The following FGGY variants were observed in gnomAD, a reference collection of about 807,000 sequenced individuals.
FGGY encodes FGGY carbohydrate kinase domain-containing protein.
A neutral mutation model predicts 71.3 loss-of-function variants in FGGY; 72 were observed. That is an observed-to-expected ratio of 1.01 (90% CI 0.84 to 1.23). FGGY has a LOEUF of 1.23. FGGY is among the 50% of genes most tolerant of loss of function. The pLI, the probability that FGGY is intolerant of heterozygous loss-of-function variation, is 0.00. For missense variants in FGGY, 668 were observed against 682.3 expected (o/e 0.98, Z 0.23); for synonymous variants, 251 against 250.3 (o/e 1.00, Z -0.02).
chr1:59,694,690 C>CT (rs58871168), intron 14 of FGGY, among the ~76,000 whole-genome samples: 6,631 of 142,392 alleles, frequency 0.047, 490 homozygotes, highest in African/African-American at 0.16. Flanking sequence ...AACTAGGTGT[C>CT]TTTTTTTTTT....
At chr1:59,600,247 C>T (rs1219795624) in intron 8 of FGGY, among the ~76,000 whole-genome samples, 1 of 152,110 alleles carries the variant, frequency 6.6e-6, no homozygotes, top group Non-Finnish European at 1.5e-5. Flanking sequence ...TACTGTGGGG[C>T]AGATGAGAGC....
At chr1:59,319,570 C>A (rs931009674) in intron 1 of FGGY, among the ~76,000 whole-genome samples, 3 of 152,174 alleles carry the variant, frequency 2.0e-5, no homozygotes, top group Non-Finnish European at 4.4e-5. Flanking sequence ...TGATGGCTGA[C>A]CTGGGTCTTA....
intron 7 of FGGY, among the ~76,000 whole-genome samples, chr1:59,516,271 G>A (rs2094648412): frequency 6.6e-6 from 1 of 152,146 alleles, no homozygotes; most frequent in Admixed American, 6.5e-5. Context: ...GGTTGTCCAT[G>A]GGTCCAACTC....
intron 6 of FGGY, among the ~76,000 whole-genome samples, chr1:59,472,092 G>A (rs530525813): frequency 1.9e-4 from 29 of 152,346 alleles, no homozygotes; most frequent in African/African-American, 4.8e-4. Context: ...GGCCAAGGCC[G>A]GAGCCGGCCC....
At chr1:59,474,454 G>A (rs1025466587) in intron 6 of FGGY, among the ~76,000 whole-genome samples, 1 of 152,162 alleles carries the variant, frequency 6.6e-6, no homozygotes, top group African/African-American at 2.4e-5. Context: ...TGACAGAAAT[G>A]AGACCAGAAA....
At chr1:59,492,765 C>T (rs1175317818) in intron 6 of FGGY, among the ~76,000 whole-genome samples, 1 of 152,016 alleles carries the variant, frequency 6.6e-6, no homozygotes, top group Non-Finnish European at 1.5e-5. Flanking sequence ...CTGAGTCTGC[C>T]TTTTTATTAA....
At chr1:59,726,527 A>G (rs1181080179) in intron 14 of FGGY, among the ~76,000 whole-genome samples, 1 of 152,150 alleles carries the variant, frequency 6.6e-6, no homozygotes, top group Non-Finnish European at 1.5e-5. Flanking sequence ...AATGTTTGCT[A>G]AAATTCACTA....
rs371875182 is a variant in FGGY at position 59,384,962 on chromosome 1, G to C, written c.554+6125G>C. ...AGAGATTGAAATTTGGTGTTTATTT[G>C]GCTCTTACATGTGATTATTTTGGGA... is the stretch of plus-strand genomic sequence containing the variant. On this transcript the variant is annotated intron_variant, in intron 5 of 15. Coordinates refer to ENST00000303721, the MANE Select transcript of FGGY (RefSeq NM_018291.5). 1.6e-4 allele frequency among the ~76,000 whole-genome samples: 25 copies of C among 152,276 alleles called. No homozygotes were observed. The East Asian group carries it at 2.7e-3, about 16-fold the overall frequency.
At chr1:59,488,833 A>T (rs1288098059) in intron 6 of FGGY, among the ~76,000 whole-genome samples, 1 of 151,972 alleles carries the variant, frequency 6.6e-6, no homozygotes, top group Non-Finnish European at 1.5e-5. Flanking sequence ...TTACCAAGTC[A>T]AAAGGTATAA....
intron 6 of FGGY, among the ~76,000 whole-genome samples, chr1:59,487,924 A>G (rs76815313): frequency 0.012 from 1,779 of 152,280 alleles, 34 homozygotes; most frequent in African/African-American, 0.04. Flanking sequence ...CTAAAAGTAA[A>G]AACAACTAAA....
chr1:59,701,880 A>C (rs1183788269), intron 14 of FGGY, among the ~76,000 whole-genome samples: 1 of 152,196 alleles, frequency 6.6e-6, no homozygotes, highest in African/African-American at 2.4e-5. Context: ...TAAATGAATG[A>C]ATCAGTGAGT....
chr1:59,661,231 A>G (rs1014525844), intron 12 of FGGY, among the ~76,000 whole-genome samples: 13 of 152,192 alleles, frequency 8.5e-5, no homozygotes, highest in Admixed American at 5.9e-4. Context: ...CCTTTAAACT[A>G]TATGTATATT....
intron 8 of FGGY, among the ~76,000 whole-genome samples, chr1:59,604,727 C>T (rs2096607265): frequency 6.6e-6 from 1 of 152,198 alleles, no homozygotes; most frequent in Admixed American, 6.5e-5. Context: ...CATCCATGTA[C>T]TAACCATAGA....
At chr1:59,469,613 G>C (rs1386047494) in intron 6 of FGGY, among the ~76,000 whole-genome samples, 1 of 152,054 alleles carries the variant, frequency 6.6e-6, no homozygotes. Context: ...TAACTTTTAA[G>C]TTCAAGGGTA....
At chr1:59,689,185 A>T (rs114877962) in intron 14 of FGGY, among the ~76,000 whole-genome samples, 2,201 of 152,274 alleles carry the variant, frequency 0.014, 23 homozygotes, top group Middle Eastern at 0.048. Flanking sequence ...TCTGGTAGTG[A>T]CTACCAGCAG....
At chr1:59,427,828 A>G (rs759804484) in intron 5 of FGGY, among the ~76,000 whole-genome samples, 1 of 152,174 alleles carries the variant, frequency 6.6e-6, no homozygotes, top group Non-Finnish European at 1.5e-5. Context: ...TAGGTGGTCT[A>G]TGTTCAGGGG....
intron 5 of FGGY, among the ~76,000 whole-genome samples, chr1:59,444,034 A>C (rs2070628386): frequency 6.6e-6 from 1 of 152,164 alleles, no homozygotes; most frequent in Non-Finnish European, 1.5e-5. Context: ...ATTGAGTGAG[A>C]AACCCAACAT....
intron 8 of FGGY, among the ~76,000 whole-genome samples, chr1:59,599,199 G>A (rs550758477): frequency 6.6e-6 from 1 of 152,146 alleles, no homozygotes; most frequent in South Asian, 2.1e-4. Context: ...CACCTCCTGG[G>A]TTCAAGTGAT....
intron 7 of FGGY, among the ~76,000 whole-genome samples, chr1:59,524,159 C>T (rs11207467): frequency 0.027 from 4,059 of 152,350 alleles, 188 homozygotes; most frequent in African/African-American, 0.093. Flanking sequence ...AGAGTTGTGG[C>T]TGAGCCCAGT....
Sources: gnomAD v4.1 joint callset for allele counts (sites outside exome capture counted in the v4.1 genomes callset) on GRCh38, gnomAD v4.1.1 for gene constraint, MANE v1.5 for transcripts, NCBI Gene and HGNC (gene_info 2026-07-23, HGNC 2026-07-21) for gene names.